MACF1: variants seen among roughly 807,000 people sequenced by gnomAD.
MACF1 encodes the protein microtubule actin crosslinking factor 1.
A neutral mutation model predicts 854.8 loss-of-function variants in MACF1; 193 were observed. The observed-to-expected ratio is 0.23, with a 90% CI of 0.20 to 0.25. The LOEUF (loss-of-function observed/expected upper bound fraction) is 0.25. Ranked by LOEUF, MACF1 falls within the 10% of genes least tolerant of loss-of-function variation. MACF1 has a pLI of 1.00. For synonymous variants in MACF1, 3,185 were observed against 3,226.7 expected, an observed-to-expected ratio of 0.99 and a Z score of 0.44; for missense variants, 7,722 against 8,929.1, an observed-to-expected ratio of 0.86 and a Z score of 5.45.
Position 39,477,078 on chromosome 1 carries a change from TATATATATATATAC to T in MACF1, c.21959-2718_21959-2705del, listed in dbSNP as rs1179356896. Among the ~76,000 whole-genome samples, 169 of 14,022 alleles carry T rather than the reference TATATATATATATAC, an allele frequency of 0.012. 7 individuals are homozygous for T. In the East Asian group the frequency reaches 0.18, roughly 15 times the overall value. 9.2% of individuals were successfully genotyped at this position (14,022 alleles called of 152,430 possible). ...ATATATATATATATATATATATATA[TATATATATATATAC>T]ACACACACACATATATACACTTAGT... is the stretch of plus-strand genomic sequence containing the variant. On this transcript the variant is annotated intron_variant, in intron 97 of 100. Transcript: ENST00000564288.
At position 39,303,481 on chromosome 1, in the gene MACF1, C is replaced by T. The variant is rs187550483; in HGVS notation, c.2789+403C>T. Reference sequence around the variant, plus strand: ...CATGAGAATTGCTTGACCAAGGAGGCGGAGTTTGCAGTCAGCTGAGATTGC... The same window carrying T: ...CATGAGAATTGCTTGACCAAGGAGGTGGAGTTTGCAGTCAGCTGAGATTGC... On this transcript the variant is annotated intron_variant, in intron 23 of 100. Transcript: ENST00000564288. Among the ~76,000 whole-genome samples, 727 of 151,588 alleles carry T rather than the reference C, an allele frequency of 4.8e-3. 3 individuals carry two copies. Among genetic ancestry groups the T allele is most frequent in the Non-Finnish European group, 4.8e-3 (326 of 67,934 alleles).
intron 41 of MACF1, among the ~76,000 whole-genome samples, chr1:39,348,151 A>G (rs1647098435): frequency 6.6e-6 from 1 of 152,198 alleles, no homozygotes; most frequent in African/African-American, 2.4e-5. Flanking sequence ...GTCCTGTATT[A>G]CTGTCTCATT....
chr1:39,123,227 T>TGA (rs1642765006), intron 2 of MACF1, among the ~76,000 whole-genome samples: 1 of 105,862 alleles, frequency 9.4e-6, no homozygotes, highest in Non-Finnish European at 2.0e-5. Flanking sequence ...TTTTTTTTTT[T>TGA]GAGAGAGTCT....
Position 39,335,229 on chromosome 1 carries a change from G to A in MACF1, c.8641G>A (p.Val2881Met), listed in dbSNP as rs1349910851. 4 of 1,613,938 alleles carry A rather than the reference G, an allele frequency of 2.5e-6. No individual in the cohort carries two copies. The highest frequency in any genetic ancestry group is 2.2e-5 in the South Asian group (2 of 91,066). The change falls in exon 37 of 101, where the codon GTG (valine) becomes ATG (methionine). Residue 2881 changes from valine (V) to methionine (M), a missense_variant. By Grantham distance (21) the Val-to-Met change is conservative. Transcript: ENST00000564288. ...TCTTAAAGGTAAATCCTTGGGCCAA[G>A]TGTCATTGACACACCCTTACTCTGA... ...HNLKGKSLGQ[V>M]SLTHPYSECD...
At position 39,267,635 on chromosome 1, in the gene MACF1, A is replaced by G. The variant is rs551434200; in HGVS notation, c.528+9607A>G. Among the ~76,000 whole-genome samples the G allele has an allele frequency of 2.0e-5, 3 of 152,390 alleles. No individual in the cohort carries two copies. In the South Asian group the frequency reaches 6.2e-4, roughly 32 times the overall value. ...AAAGTCCATGTAAATAACTTTACAC[A>G]GTGCTTGGCACACAGCAAGTGCAAA... is the stretch of plus-strand genomic sequence containing the variant. On this transcript the variant is annotated intron_variant, in intron 6 of 100. Coordinates refer to ENST00000564288, the MANE Select transcript of MACF1 (RefSeq NM_001394062.1).
In MACF1 at chr1:39,412,439, A is replaced by G. The variant is rs372397870; in HGVS notation, c.15817-9935A>G. The stretch of plus-strand genomic sequence containing the variant: ...GAGGATGGTGAGGCAAAAGAGCTGG[A>G]TTATCAAGCCACACTTTTGGAGGAT... On this transcript the variant is annotated intron_variant, in intron 58 of 100. Coordinates refer to ENST00000564288, the MANE Select transcript of MACF1 (RefSeq NM_001394062.1). The G allele has an allele frequency of 3.1e-6, 5 of 1,613,908 alleles. No individual in the cohort carries two copies. The African/African-American group carries it at 6.7e-5, about 22-fold the overall frequency.
chr1:39,403,023 T>TC (rs1329640693), intron 58 of MACF1, among the ~76,000 whole-genome samples: 1 of 152,056 alleles, frequency 6.6e-6, no homozygotes, highest in Non-Finnish European at 1.5e-5. Flanking sequence ...GGCTTCCAAA[T>TC]CTATCTTTCT....
At chr1:39,211,097 G>T (rs1644509951) in intron 1 of MACF1, among the ~76,000 whole-genome samples, 1 of 152,044 alleles carries the variant, frequency 6.6e-6, no homozygotes, top group Non-Finnish European at 1.5e-5. Context: ...CTCCCGAGTA[G>T]CTGGGATTAC....
At chr1:39,384,502 A>T (rs1390458110) in intron 56 of MACF1, among the ~76,000 whole-genome samples, 3 of 152,198 alleles carry the variant, frequency 2.0e-5, no homozygotes, top group Non-Finnish European at 2.9e-5. Flanking sequence ...GCCTAAGGTC[A>T]TACAGCTAGT....
At chr1:39,326,694 A>C (rs1256915826) in intron 35 of MACF1, among the ~76,000 whole-genome samples, 63 of 151,558 alleles carry the variant, frequency 4.2e-4, no homozygotes, top group Non-Finnish European at 7.7e-4. Context: ...AAAAAAAAAA[A>C]AAAAAAAGAG....
chr1:39,442,063 TGG>T lies in MACF1; in HGVS notation c.18774+12_18774+13del. On this transcript the variant is annotated intron_variant, in intron 75 of 100. Transcript: ENST00000564288. ...GTTAAATGAAATGAAGGTTTGTATCTGGGTATGGCTTTTGAAGAAGAATTGTT... is the reference window on the plus strand; with the variant it reads ...GTTAAATGAAATGAAGGTTTGTATCTGTATGGCTTTTGAAGAAGAATTGTT... The T allele has an allele frequency of 6.2e-7, 1 of 1,601,770 alleles. No homozygotes were observed. The highest frequency in any genetic ancestry group is 8.5e-7 in the Non-Finnish European group (1 of 1,176,274).
At chr1:39,347,848 A>G (rs550029990) in intron 41 of MACF1, among the ~76,000 whole-genome samples, 2 of 152,302 alleles carry the variant, frequency 1.3e-5, no homozygotes, top group African/African-American at 4.8e-5. Context: ...TACTAAAACA[A>G]ACAAACAAAC....
At chr1:39,231,121 G>A (rs1253420637) in intron 1 of MACF1, 61 bp from the exon 2 acceptor site, 10 of 1,249,248 alleles carry the variant, frequency 8.0e-6, no homozygotes, top group African/African-American at 2.9e-5. Flanking sequence ...CAGGGCAGCA[G>A]CGTGGGAACC....
At chr1:39,251,708 G>A in intron 3 of MACF1, 138 bp from the exon 4 acceptor site, 1 of 440,198 alleles carries the variant, frequency 2.3e-6, no homozygotes, top group Non-Finnish European at 3.9e-6. Flanking sequence ...ATTTAGTTTT[G>A]TATCTTTTTC....
At chr1:39,284,012 T>C in intron 9 of MACF1, 54 bp from the exon 10 acceptor site, 1 of 1,596,332 alleles carries the variant, frequency 6.3e-7, no homozygotes, top group Non-Finnish European at 8.5e-7. Flanking sequence ...CTTTCTCTTG[T>C]GCTTGTTTTG....
chr1:39,202,304 G>A (rs947466992), upstream of MACF1, among the ~76,000 whole-genome samples: 12 of 149,876 alleles, frequency 8.0e-5, no homozygotes, highest in South Asian at 1.9e-3. Flanking sequence ...CTTATTAGAC[G>A]AGCCTTCTCT....
chr1:39,333,540 C>G lies in MACF1; in HGVS notation c.6952C>G (p.Pro2318Ala). The G allele has an allele frequency of 6.2e-7, 1 of 1,614,154 alleles. No homozygotes were observed. Among genetic ancestry groups the G allele is most frequent in the Non-Finnish European group, 8.5e-7 (1 of 1,180,020 alleles). ...LNEAISRGIVPSHTAVKLMEK... is the reference protein window; with the variant it reads ...LNEAISRGIVASHTAVKLMEK... ...TGAAGCAATATCCCGAGGCATTGTG[C>G]CAAGTCACACTGCCGTGAAGCTTAT... Residue 2318 changes from proline (P) to alanine (A), a missense_variant, in exon 37 of 101, where the codon CCA becomes GCA. Transcript: ENST00000564288.
chr1:39,124,201 A>C (rs541642117), intron 2 of MACF1, among the ~76,000 whole-genome samples: 1 of 151,938 alleles, frequency 6.6e-6, no homozygotes, highest in South Asian at 2.1e-4. Context: ...GTGGTTTTTT[A>C]ATTCGATTCT....
At chr1:39,461,355 T>C (rs895781830) in intron 92 of MACF1, among the ~76,000 whole-genome samples, 6 of 152,208 alleles carry the variant, frequency 3.9e-5, no homozygotes, top group African/African-American at 1.4e-4. Flanking sequence ...TGTGGGTGGT[T>C]GTAATATTAT....
Sources: gnomAD v4.1 joint callset for allele counts (sites outside exome capture counted in the v4.1 genomes callset) on GRCh38, gnomAD v4.1.1 for gene constraint, MANE v1.5 for transcripts, NCBI Gene and HGNC (gene_info 2026-07-23, HGNC 2026-07-21) for gene names.